Variants in HERC1 observed in about 807,000 individuals in gnomAD.
The protein encoded by HERC1 is probable E3 ubiquitin-protein ligase HERC1.
HERC1 carries 160 observed loss-of-function variants against 554.3 expected under a neutral mutation model. That is an observed-to-expected ratio of 0.29 (90% CI 0.25 to 0.33). The LOEUF (loss-of-function observed/expected upper bound fraction) is 0.33. Ranked by LOEUF, HERC1 falls within the 10% of genes least tolerant of loss-of-function variation. The pLI is 1.00. For synonymous variants in HERC1, 2,175 were observed against 2,131.7 expected, an observed-to-expected ratio of 1.02 and a Z score of -0.56; for missense variants, 4,919 against 5,918.5, an observed-to-expected ratio of 0.83 and a Z score of 5.54.
intron 74 of HERC1, among the ~76,000 whole-genome samples, chr15:63,617,529 T>C (rs1262722274): frequency 6.6e-6 from 1 of 152,208 alleles, no homozygotes; most frequent in Non-Finnish European, 1.5e-5. Context: ...TACCCAGTAA[T>C]GGGATGGCTG....
chr15:63,714,267 T>C lies in HERC1; in HGVS notation c.4151-602A>G, dbSNP rs1222199096. 7.3e-5 allele frequency among the ~76,000 whole-genome samples: 11 copies of C among 151,572 alleles called. No individual in the cohort carries two copies. The East Asian group carries it at 2.1e-3, about 30-fold the overall frequency. ...AAAAATTCCCTTTCCCCTTCCAAAG[T>C]CCATATAATCCCTACCATCTACACT... On this transcript the variant is annotated intron_variant, in intron 22 of 77. Coordinates refer to ENST00000443617, the MANE Select transcript of HERC1 (RefSeq NM_003922.4).
At chr15:63,649,084 G>A (rs1391951235) in intron 54 of HERC1, among the ~76,000 whole-genome samples, 2 of 152,170 alleles carry the variant, frequency 1.3e-5, no homozygotes, top group Non-Finnish European at 2.9e-5. Flanking sequence ...GCCAGGCACG[G>A]TGGCTCACGC....
Position 63,632,885 on chromosome 15 carries a change from TATCAAGA to T in HERC1, c.12694-81_12694-75del, listed in dbSNP as rs2068623565. Reference sequence around the variant, plus strand: ...ACTCTTGAATTTGCCTAATGGCATGTATCAAGAACTACCTTCCAACAAAAATACTAAT... The same window carrying T: ...ACTCTTGAATTTGCCTAATGGCATGTACTACCTTCCAACAAAAATACTAAT... On this transcript the variant is annotated intron_variant, in intron 67 of 77. Coordinates refer to ENST00000443617, the MANE Select transcript of HERC1 (RefSeq NM_003922.4). The T allele has an allele frequency of 9.6e-6, 9 of 941,450 alleles. No homozygotes were observed. The East Asian group carries it at 2.4e-4, about 25-fold the overall frequency. 58.3% of individuals were successfully genotyped at this position (941,450 alleles called of 1,614,324 possible).
chr15:63,638,750 C>T lies in HERC1; in HGVS notation c.11928G>A (p.Met3976Ile). ...TTGCCCAAGACATAATTTGTTCATC[C>T]ATGCCGTTAATCCATTTACTGTTAT... ...LMDNSKWING[M>I]DEQIMSWATS... The change falls in exon 62 of 78, where the codon ATG becomes ATA. Residue 3976 changes from methionine to isoleucine, a missense_variant. Physicochemically the swap from Met to Ile is conservative, Grantham distance 10 (BLOSUM62 1). Coordinates refer to ENST00000443617, the MANE Select transcript of HERC1 (RefSeq NM_003922.4). 8 of 1,613,622 alleles carry T rather than the reference C, an allele frequency of 5.0e-6. No individual in the cohort carries two copies. The highest frequency in any genetic ancestry group is 6.8e-6 in the Non-Finnish European group (8 of 1,179,586).
intron 19 of HERC1, among the ~76,000 whole-genome samples, chr15:63,721,305 C>A (rs2073809300): frequency 1.3e-5 from 2 of 152,160 alleles, no homozygotes; most frequent in Admixed American, 1.3e-4. Context: ...GGATGGATCA[C>A]CTGAGGTCAC....
At chr15:63,632,860 A>G (rs1266961139) in intron 67 of HERC1, 49 bp from the exon 68 acceptor site, 1 of 1,323,128 alleles carries the variant, frequency 7.6e-7, no homozygotes, top group Non-Finnish European at 1.1e-6. Context: ...AAAAAAAATC[A>G]CTCTTGAATT....
At chr15:63,785,190 C>A (rs1006999955) in intron 1 of HERC1, among the ~76,000 whole-genome samples, 1 of 152,022 alleles carries the variant, frequency 6.6e-6, no homozygotes, top group African/African-American at 2.4e-5. Flanking sequence ...TTTAAGAGGC[C>A]AAGGTGGGAG....
chr15:63,648,021 A>C, intron 55 of HERC1, 48 bp downstream of exon 55: 1 of 1,469,504 alleles, frequency 6.8e-7, no homozygotes, highest in Non-Finnish European at 9.3e-7. Flanking sequence ...CATGTAACAA[A>C]ATTATATTTG....
rs749411078 is a variant in HERC1 at position 63,727,785 on chromosome 15, G to C, written c.3208C>G (p.Leu1070Val). The C allele has an allele frequency of 5.6e-6, 9 of 1,613,910 alleles. No individual in the cohort carries two copies. Among genetic ancestry groups the C allele is most frequent in the Non-Finnish European group, 7.6e-6 (9 of 1,179,840 alleles). ...GCCACTGACACAGGGAGTAACAGCA[G>C]GGAGTTAACAATCTGGCAGAGCATA... Reference protein sequence around the residue: ...GSMLCQIVNSLLLLPVSVARP... With the variant: ...GSMLCQIVNSVLLLPVSVARP... The change falls in exon 17 of 78, where the codon CTG (leucine) becomes GTG (valine). Residue 1070 changes from leucine (L) to valine (V), a missense_variant. By Grantham distance (32) the Leu-to-Val change is conservative. This residue lies in a region of HERC1 where 1,121 missense variants were observed against 1,244.0 expected (regional missense o/e 0.90). Coordinates refer to ENST00000443617, the MANE Select transcript of HERC1 (RefSeq NM_003922.4). This position sits in a 1 kb window ranked among gnomAD's most constrained non-coding sequence, Gnocchi z 4.3.
At chr15:63,693,231 G>A (rs1277589607) in intron 30 of HERC1, among the ~76,000 whole-genome samples, 2 of 127,256 alleles carry the variant, frequency 1.6e-5, no homozygotes, top group African/African-American at 2.9e-5. Flanking sequence ...CCTTGGTGCT[G>A]GGGAATTTTC....
chr15:63,716,255 A>T, intron 22 of HERC1, 47 bp downstream of exon 22: 1 of 1,535,946 alleles, frequency 6.5e-7, no homozygotes, highest in East Asian at 2.3e-5. Flanking sequence ...CCCCTATCAA[A>T]AAGCATGCCA....
intron 12 of HERC1, among the ~76,000 whole-genome samples, chr15:63,738,512 T>C (rs1340124765): frequency 6.6e-6 from 1 of 152,198 alleles, no homozygotes; most frequent in Non-Finnish European, 1.5e-5. Context: ...TGAAAACTAT[T>C]ATTTATGCAA....
chr15:63,632,785 T>C lies in HERC1; in HGVS notation c.12720A>G (p.Gly4240=). The C allele has an allele frequency of 6.4e-7, 1 of 1,567,328 alleles. No individual in the cohort carries two copies. The highest frequency in any genetic ancestry group is 8.7e-7 in the Non-Finnish European group (1 of 1,154,240). ...PQKIDVLCGI[G]IKKVACGTQF... ...GAGTTCCACAAGCAACCTTTTTTAT[T>C]CCAATTCCACAAAGGACGTCAATTT... Residue 4240 remains glycine (G), a synonymous_variant, in exon 68 of 78, where the codon GGA becomes GGG. Transcript: ENST00000443617.
At position 63,654,215 on chromosome 15, in the gene HERC1, G is replaced by A. The variant is rs998170855; in HGVS notation, c.10194C>T (p.His3398=). 6 of 1,613,930 alleles carry A rather than the reference G, an allele frequency of 3.7e-6. No homozygotes were observed. Among genetic ancestry groups the A allele is most frequent in the East Asian group, 2.2e-5 (1 of 44,882 alleles). ...GCAGAGTAGTTTGGTTGTCACGGTC[G>A]TGTGCAGCAAGAGTGCGCACGAGTT... ...AQQLVRTLAA[H]DRDNQTTLQT... is the part of the protein sequence containing the mutation. Residue 3398 remains histidine (H), a synonymous_variant, in exon 51 of 78, where the codon CAC becomes CAT. Transcript: ENST00000443617.
chr15:63,688,587 G>C (rs1373519397), intron 33 of HERC1, among the ~76,000 whole-genome samples: 1 of 152,176 alleles, frequency 6.6e-6, no homozygotes, highest in Non-Finnish European at 1.5e-5. Context: ...AGGTTTCTTT[G>C]AGAAGGAATG....
chr15:63,712,370 G>A (rs979401117), intron 24 of HERC1, among the ~76,000 whole-genome samples: 6 of 152,160 alleles, frequency 3.9e-5, no homozygotes, highest in African/African-American at 1.4e-4. Context: ...GAGAATAAAG[G>A]GATCAGGAGA....
In HERC1 at chr15:63,674,970, C is replaced by T. The variant is rs747465689; in HGVS notation, c.7218G>A (p.Met2406Ile). 13 of 1,613,906 alleles carry T rather than the reference C, an allele frequency of 8.1e-6. No homozygotes were observed. The highest frequency in any genetic ancestry group is 9.3e-6 in the Non-Finnish European group (11 of 1,179,900). Residue 2406 changes from methionine to isoleucine, a missense_variant, in exon 38 of 78, where the codon ATG (methionine) becomes ATA (isoleucine). Physicochemically the swap from Met to Ile is conservative, Grantham distance 10 (BLOSUM62 1). Transcript: ENST00000443617. ...LTYLTGVHED[M>I]GKQSTKRHEK... ...CATGTCGTTTGGTGCTCTGTTTGCC[C>T]ATGTCTTCATGAACGCCAGTGAGAT...
At position 63,637,276 on chromosome 15, in the gene HERC1, A is replaced by T. The variant is rs2068824338; in HGVS notation, c.12232+229T>A. The T allele has an allele frequency of 1.1e-5, 6 of 569,856 alleles. No homozygotes were observed. The East Asian group carries it at 1.9e-4, about 18-fold the overall frequency. 35.3% of individuals were successfully genotyped at this position (569,856 alleles called of 1,614,324 possible). A position where few individuals can be genotyped will look rare whatever the true frequency, so the allele number is the denominator to read the frequency against. On this transcript the variant is annotated intron_variant, in intron 64 of 77. Transcript: ENST00000443617. ...TGTTTACAATCTTCAGTGGGTCTCA[A>T]AAAGTGTTATTTATATTTCACTGAA...
At chr15:63,818,321 C>T (rs1023882589) in intron 1 of HERC1, among the ~76,000 whole-genome samples, 12 of 152,124 alleles carry the variant, frequency 7.9e-5, no homozygotes, top group African/African-American at 2.9e-4. Flanking sequence ...CTCCGGCTCA[C>T]TGAGCTCCCA....
Sources: gnomAD v4.1 joint callset for allele counts (sites outside exome capture counted in the v4.1 genomes callset) on GRCh38, gnomAD v4.1.1 for gene constraint, gnomAD v4.1.1 regional missense constraint, Gnocchi (gnomAD v3.1) non-coding constraint, MANE v1.5 for transcripts, NCBI Gene and HGNC (gene_info 2026-07-23, HGNC 2026-07-21) for gene names.